LTBR: variants seen among roughly 807,000 people sequenced by gnomAD.
LTBR encodes the protein tumor necrosis factor receptor superfamily member 3.
In LTBR, 15 loss-of-function variants were observed where a neutral mutation model predicts 45.4. The ratio of observed to expected loss-of-function variants is 0.33; its 90% CI spans 0.22 to 0.51. The LOEUF (loss-of-function observed/expected upper bound fraction) is 0.51, where lower values mean the gene tolerates loss of function less well. Among genes scored for constraint, LTBR ranks in the 20% least tolerant of loss-of-function variants. The probability of loss-of-function intolerance (pLI) is 0.97; values close to 1 mark genes in which losing one functional copy is unlikely to be tolerated. For missense variants in LTBR, 450 were observed against 565.5 expected, an observed-to-expected ratio of 0.80 and a Z score of 2.07; for synonymous variants, 228 against 231.0, an observed-to-expected ratio of 0.99 and a Z score of 0.12.
intron 4 of LTBR, chr12:6,385,593 A>T: frequency 1.6e-6 from 1 of 639,312 alleles, no homozygotes; most frequent in Non-Finnish European, 2.6e-6. Flanking sequence ...TCTTCTCAGT[A>T]CTGGGAAGCT....
At chr12:6,377,561 T>C in intron 1 of LTBR, 1 of 903,860 alleles carries the variant, frequency 1.1e-6, no homozygotes, top group Non-Finnish European at 1.7e-6. Flanking sequence ...CTCTGGGTGC[T>C]GGGTTATCTC....
rs535783221 is a variant in LTBR, at chr12:6,390,377, G to A, written c.1030+37G>A. On this transcript the variant is annotated intron_variant, in intron 9 of 9. Transcript: ENST00000228918. ...GCAGGGAGAAGAGAGGAAGGATGGG[G>A]AGGGAGGGATGGCTGGCAGGGAGAG... is the stretch of plus-strand genomic sequence containing the variant. 8.5e-6 allele frequency: 13 copies of A among 1,522,084 alleles called. No homozygotes were observed. The South Asian group carries it at 1.0e-4, about 12-fold the overall frequency. 94.3% of individuals were successfully genotyped at this position (1,522,084 alleles called of 1,614,324 possible).
chr12:6,381,882 G>T (rs1948988473), upstream of LTBR, among the ~76,000 whole-genome samples: 1 of 152,204 alleles, frequency 6.6e-6, no homozygotes, highest in East Asian at 1.9e-4. Context: ...TTGAGGCAGA[G>T]AATTGTTTGA....
chr12:6,382,743 A>G (rs1019104995), upstream of LTBR, among the ~76,000 whole-genome samples: 4 of 152,180 alleles, frequency 2.6e-5, no homozygotes, highest in African/African-American at 4.8e-5. Context: ...GCACCTGTCC[A>G]GACATCAGAC....
chr12:6,389,292 G>A (rs944672171), intron 8 of LTBR: 4 of 159,520 alleles, frequency 2.5e-5, no homozygotes, highest in Non-Finnish European at 5.5e-5. Context: ...AGGGGGCATG[G>A]GGAGGAGCAG....
At chr12:6,375,224 T>C (rs1055291189), upstream of LTBR, 5 of 1,440,318 alleles carry the variant, frequency 3.5e-6, no homozygotes, top group African/African-American at 7.2e-5. Context: ...GCCTTCTGTT[T>C]CTCTTTGGGT....
rs1949079368 is a variant in LTBR at position 6,388,889 on chromosome 12, A to G, written c.801+64A>G. On this transcript the variant is annotated intron_variant, in intron 8 of 9. Coordinates refer to ENST00000228918, the MANE Select transcript of LTBR (RefSeq NM_002342.3). The surrounding 1 kb of genome is among the most constrained non-coding windows in gnomAD (Gnocchi z 4.3). ...AGGTGATGAGGGTACAAGGTGGAGC[A>G]GACAGGAAGAGAGTATGCAGGCTGA... 9 of 1,587,098 alleles carry G rather than the reference A, an allele frequency of 5.7e-6. No individual in the cohort carries two copies. The East Asian group carries it at 1.8e-4, about 32-fold the overall frequency.
At chr12:6,383,091 C>T (rs956162071), upstream of LTBR, among the ~76,000 whole-genome samples, 72 of 152,186 alleles carry the variant, frequency 4.7e-4, no homozygotes, top group African/African-American at 1.7e-3. Context: ...CACTCACAGC[C>T]TGGTGGGAAG....
At chr12:6,379,144 T>C (rs887215350) in intron 1 of LTBR, among the ~76,000 whole-genome samples, 10 of 152,192 alleles carry the variant, frequency 6.6e-5, no homozygotes, top group Non-Finnish European at 2.9e-5. Context: ...TTTGTACGTA[T>C]ACATCCGTTT....
rs1006906373 is a variant in LTBR, at chr12:6,386,664, A to G, written c.667+220A>G. 2 of 535,054 alleles carry G rather than the reference A, an allele frequency of 3.7e-6. No homozygotes were observed. Among genetic ancestry groups the G allele is most frequent in the East Asian group, 3.1e-5 (1 of 32,592 alleles). 33.1% of individuals were successfully genotyped at this position (535,054 alleles called of 1,614,324 possible). On this transcript the variant is annotated intron_variant, in intron 6 of 9. Transcript: ENST00000228918. This position sits in a 1 kb window ranked among gnomAD's most constrained non-coding sequence, Gnocchi z 4.1. ...TTAAAATTATATATACTGTAATACT[A>G]TGTCAAGGAACACATCCCACACTGA...
At chr12:6,375,736 C>T in intron 1 of LTBR, 1 of 1,417,566 alleles carries the variant, frequency 7.1e-7, no homozygotes, top group Non-Finnish European at 9.2e-7. Context: ...CGCAGACAGG[C>T]AAGGAGGCTG....
chr12:6,384,101 T>A, upstream of LTBR: 3 of 1,255,532 alleles, frequency 2.4e-6, no homozygotes, highest in Non-Finnish European at 3.0e-6. Flanking sequence ...TGGGCTGCGA[T>A]TGCGACAGGC....
chr12:6,377,210 G>A, intron 1 of LTBR: 1 of 1,529,138 alleles, frequency 6.5e-7, no homozygotes, highest in East Asian at 2.5e-5. Flanking sequence ...TAAAGTGAAA[G>A]CCGGTGTCAA....
intron 2 of LTBR, 130 bp from the exon 3 acceptor site, chr12:6,384,892 G>A (rs1041853071): frequency 3.9e-6 from 5 of 1,272,318 alleles, no homozygotes; most frequent in Non-Finnish European, 5.6e-6. Context: ...CTGAGAGGGA[G>A]CCGGAGGGCC....
rs559862179 is a variant in LTBR, at chr12:6,384,340, G to T, written c.-19G>T. On this transcript the variant is annotated 5_prime_UTR_variant, in exon 1 of 10. Coordinates refer to ENST00000228918, the MANE Select transcript of LTBR (RefSeq NM_002342.3). ...CTCCCAGGCCCCCACGTTGCTGGCC[G>T]CCTGGCCGAGTGGCCGCCATGCTCC... 6.8e-7 allele frequency: 1 copy of T among 1,474,618 alleles called. No individual in the cohort carries two copies. The highest frequency in any genetic ancestry group is 8.9e-7 in the Non-Finnish European group (1 of 1,117,842). 91.3% of individuals were successfully genotyped at this position (1,474,618 alleles called of 1,614,324 possible).
intron 8 of LTBR, 111 bp from the exon 9 acceptor site, chr12:6,390,000 AG>A: frequency 4.1e-6 from 3 of 734,264 alleles, no homozygotes; most frequent in East Asian, 2.5e-5. Context: ...AGAGAGAGAA[AG>A]GAAGGAAGGA....
upstream of LTBR, among the ~76,000 whole-genome samples, chr12:6,380,137 T>A (rs989982669): frequency 6.6e-6 from 1 of 152,200 alleles, no homozygotes; most frequent in African/African-American, 2.4e-5. Context: ...ATCTATTAGA[T>A]GCTAGTAGCA....
At chr12:6,379,388 A>C (rs781286017), upstream of LTBR, among the ~76,000 whole-genome samples, 18 of 152,262 alleles carry the variant, frequency 1.2e-4, no homozygotes, top group African/African-American at 4.3e-4. Flanking sequence ...AATTTATCTA[A>C]ATTTTCTTCA....
chr12:6,389,009 C>A, intron 8 of LTBR, 184 bp downstream of exon 8: 1 of 617,772 alleles, frequency 1.6e-6, no homozygotes, highest in Non-Finnish European at 2.9e-6. Context: ...GTGAGCAAAA[C>A]ACAGTACCTC....
Sources: gnomAD v4.1 joint callset for allele counts (sites outside exome capture counted in the v4.1 genomes callset) on GRCh38, gnomAD v4.1.1 for gene constraint, Gnocchi (gnomAD v3.1) non-coding constraint, MANE v1.5 for transcripts, NCBI Gene and HGNC (gene_info 2026-07-23, HGNC 2026-07-21) for gene names.